PTPRR: variants seen among roughly 807,000 people sequenced by gnomAD.
PTPRR encodes the protein protein tyrosine phosphatase receptor type R, also known as receptor-type tyrosine-protein phosphatase R.
A neutral mutation model predicts 77.2 loss-of-function variants in PTPRR; 38 were observed. That is an observed-to-expected ratio of 0.49 (90% CI 0.38 to 0.65). The LOEUF is 0.65. Ranked by LOEUF, PTPRR falls within the 30% of genes least tolerant of loss-of-function variation. The pLI is 0.00. For missense variants in PTPRR, 744 were observed against 799.2 expected (o/e 0.93, Z 0.83); for synonymous variants, 299 against 283.1 (o/e 1.06, Z -0.57).
In PTPRR at chr12:70,892,956, T is replaced by C; in HGVS notation, c.80A>G (p.Asp27Gly). The change falls in exon 2 of 14, where the codon GAT (aspartate) becomes GGT (glycine). Residue 27 changes from aspartate to glycine, a missense_variant. Around this residue, in one of 3 missense-constraint regions of PTPRR, gnomAD observed 570 missense variants for 573.2 expected, o/e 0.99. Transcript: ENST00000283228. Reference sequence around the variant, plus strand: ...CTTCTGATTAATTGCCAAAAAATGATCATTGTTTCCTGAAAAGCACCCTGA... The same window carrying C: ...CTTCTGATTAATTGCCAAAAAATGACCATTGTTTCCTGAAAAGCACCCTGA... ...HAAGCFSGNN[D>G]HFLAINQKKS... 1.2e-6 allele frequency: 2 copies of C among 1,612,772 alleles called. No homozygotes were observed. Among genetic ancestry groups the C allele is most frequent in the South Asian group, 1.1e-5 (1 of 91,058 alleles).
chr12:70,783,863 C>CGGGGGGGGGGGGG (rs575602200), intron 2 of PTPRR, among the ~76,000 whole-genome samples: 1 of 56,640 alleles, frequency 1.8e-5, no homozygotes, highest in Non-Finnish European at 3.1e-5. Context: ...GTGGGGGGGA[C>CGGGGGGGGGGGGG]GGGGGGGGGG....
chr12:70,776,782 G>A (rs1026565533), intron 2 of PTPRR, among the ~76,000 whole-genome samples: 1 of 152,076 alleles, frequency 6.6e-6, no homozygotes, highest in East Asian at 1.9e-4. Flanking sequence ...CATTCTGCCA[G>A]CCTTCCCTGA....
intron 6 of PTPRR, among the ~76,000 whole-genome samples, chr12:70,719,024 G>A (rs1272837882): frequency 6.6e-6 from 1 of 152,156 alleles, no homozygotes; most frequent in African/African-American, 2.4e-5. Flanking sequence ...CTGTTCAAAC[G>A]GATAGAGTTC....
chr12:70,719,492 A>G (rs1889160152), intron 6 of PTPRR, among the ~76,000 whole-genome samples: 1 of 151,960 alleles, frequency 6.6e-6, no homozygotes, highest in Non-Finnish European at 1.5e-5. Context: ...CATTAGTAAT[A>G]TAGTTCCTAA....
intron 12 of PTPRR, among the ~76,000 whole-genome samples, chr12:70,660,604 C>T (rs983573111): frequency 1.3e-5 from 2 of 152,174 alleles, no homozygotes; most frequent in Non-Finnish European, 2.9e-5. Flanking sequence ...CATCTTTATT[C>T]CTGGTGTGTA....
Position 70,822,073 on chromosome 12 carries a change from G to A in PTPRR, c.358-57295C>T, listed in dbSNP as rs192416591. ...TAGAAAGATCAACCTTAACATTCCAGGAAGTTCTCACCTATTTAATAAGCA... is the reference window on the plus strand; with the variant it reads ...TAGAAAGATCAACCTTAACATTCCAAGAAGTTCTCACCTATTTAATAAGCA... On this transcript the variant is annotated intron_variant, in intron 2 of 13. Transcript: ENST00000283228. Among the ~76,000 whole-genome samples, 404 of 152,300 alleles carry A rather than the reference G, an allele frequency of 2.7e-3. 1 individual carries two copies. The highest frequency in any genetic ancestry group is 5.8e-3 in the Admixed American group (88 of 15,292).
chr12:70,892,994 G>A lies in PTPRR; in HGVS notation c.59-17C>T, dbSNP rs769900942. 1.2e-6 allele frequency: 2 copies of A among 1,609,226 alleles called. No homozygotes were observed. Among genetic ancestry groups the A allele is most frequent in the South Asian group, 2.2e-5 (2 of 90,854 alleles). On this transcript the variant is annotated splice_polypyrimidine_tract_variant and intron_variant, in intron 1 of 13. Coordinates refer to ENST00000283228, the MANE Select transcript of PTPRR (RefSeq NM_002849.4). Reference sequence around the variant, plus strand: ...AAAAGCACCCTGAAAGAGGGAAGAAGCAGAAACAATATCAAAGACCCTATT... The same window carrying A: ...AAAAGCACCCTGAAAGAGGGAAGAAACAGAAACAATATCAAAGACCCTATT...
At chr12:70,727,675 A>G (rs1565668775) in intron 6 of PTPRR, among the ~76,000 whole-genome samples, 1 of 152,174 alleles carries the variant, frequency 6.6e-6, no homozygotes, top group South Asian at 2.1e-4. Flanking sequence ...GTGGCAGAGA[A>G]TACTGCCTAG....
intron 2 of PTPRR, among the ~76,000 whole-genome samples, chr12:70,785,536 TA>T (rs754655964): frequency 1.5e-4 from 23 of 152,168 alleles, no homozygotes; most frequent in Non-Finnish European, 3.1e-4. Context: ...AAGCTGTTTT[TA>T]AAAATTATGA....
At position 70,722,146 on chromosome 12, in the gene PTPRR, C is replaced by A. The variant is rs572421181; in HGVS notation, c.1008-20823G>T. Reference sequence around the variant, plus strand: ...CCACTCCTTTCCTGCTTTCTTACTACCAGAACCCAGGGTCCTTTTAGGTCT... The same window carrying A: ...CCACTCCTTTCCTGCTTTCTTACTAACAGAACCCAGGGTCCTTTTAGGTCT... On this transcript the variant is annotated intron_variant, in intron 6 of 13. Coordinates refer to ENST00000283228, the MANE Select transcript of PTPRR (RefSeq NM_002849.4). 2.4e-3 allele frequency among the ~76,000 whole-genome samples: 373 copies of A among 152,248 alleles called. 1 individual carries two copies. The highest frequency in any genetic ancestry group is 8.6e-3 in the African/African-American group (356 of 41,540).
intron 2 of PTPRR, among the ~76,000 whole-genome samples, chr12:70,772,828 A>C (rs1891008133): frequency 6.6e-6 from 1 of 152,222 alleles, no homozygotes. Context: ...TATATCAAAC[A>C]CAATCAGTAA....
At chr12:70,727,305 A>G (rs1276991830) in intron 6 of PTPRR, among the ~76,000 whole-genome samples, 1 of 152,092 alleles carries the variant, frequency 6.6e-6, no homozygotes, top group Admixed American at 6.6e-5. Flanking sequence ...TTTTTGCTAA[A>G]CAACTATTGC....
intron 2 of PTPRR, among the ~76,000 whole-genome samples, chr12:70,891,716 T>C (rs1425834755): frequency 6.6e-6 from 1 of 152,038 alleles, no homozygotes; most frequent in Non-Finnish European, 1.5e-5. Flanking sequence ...CATTGACGAA[T>C]GGAACTTTGA....
At position 70,920,470 on chromosome 12, in the gene PTPRR, CA is replaced by C; in HGVS notation, c.-81del. 1 of 1,372,242 alleles carries C rather than the reference CA, an allele frequency of 7.3e-7. No individual in the cohort carries two copies. Among genetic ancestry groups the C allele is most frequent in the Non-Finnish European group, 1.0e-6 (1 of 982,876 alleles). The allele number at this position is 1,372,242 out of a possible 1,614,324, so 85.0% of individuals were successfully genotyped here. A position where few individuals can be genotyped will look rare whatever the true frequency, so the allele number is the denominator to read the frequency against. Reference sequence around the variant, plus strand: ...AAGTGCTATTAGAAAGAGCCACCGCCAAGGGTCTTCTAGTCTCCGGGATTCA... The same window carrying C: ...AAGTGCTATTAGAAAGAGCCACCGCCAGGGTCTTCTAGTCTCCGGGATTCA... On this transcript the variant is annotated 5_prime_UTR_variant, in exon 1 of 14. Coordinates refer to ENST00000283228, the MANE Select transcript of PTPRR (RefSeq NM_002849.4).
At chr12:70,745,486 C>T (rs1195021176) in intron 6 of PTPRR, among the ~76,000 whole-genome samples, 1 of 152,174 alleles carries the variant, frequency 6.6e-6, no homozygotes, top group Non-Finnish European at 1.5e-5. Context: ...TTCTACCTAC[C>T]AGAGTTTCAT....
At chr12:70,760,417 G>A (rs1890665958) in intron 4 of PTPRR, among the ~76,000 whole-genome samples, 1 of 152,122 alleles carries the variant, frequency 6.6e-6, no homozygotes, top group Non-Finnish European at 1.5e-5. Flanking sequence ...CCCACCCAGA[G>A]CTTTTTATAC....
Position 70,662,597 on chromosome 12 carries a change from C to G in PTPRR, c.1506G>C (p.Val502=). 2 of 1,599,546 alleles carry G rather than the reference C, an allele frequency of 1.3e-6. 1 individual carries two copies. Among genetic ancestry groups the G allele is most frequent in the Non-Finnish European group, 1.7e-6 (2 of 1,168,676 alleles). The change falls in exon 11 of 14, where the codon GTG becomes GTC. Residue 502 remains valine (V), a synonymous_variant. Coordinates refer to ENST00000283228, the MANE Select transcript of PTPRR (RefSeq NM_002849.4). ...TCCCTCTCTTTTCCGGCCAGTATAG[C>G]ACACATTTCTGGAGGAAGGGAAAGA... ...TKLKEKNEKC[V]LYWPEKRGIY...
chr12:70,918,821 C>T (rs1420489741), intron 1 of PTPRR, among the ~76,000 whole-genome samples: 2 of 152,140 alleles, frequency 1.3e-5, no homozygotes, highest in Non-Finnish European at 2.9e-5. Context: ...TTAAGCAATA[C>T]TATAAATAAA....
chr12:70,769,127 C>A (rs1483330839), intron 2 of PTPRR, among the ~76,000 whole-genome samples: 1 of 138,900 alleles, frequency 7.2e-6, no homozygotes, highest in African/African-American at 3.0e-5. Context: ...TCTCACCACT[C>A]CTATTCAACA....
Sources: gnomAD v4.1 joint callset for allele counts (sites outside exome capture counted in the v4.1 genomes callset) on GRCh38, gnomAD v4.1.1 for gene constraint, gnomAD v4.1.1 regional missense constraint, MANE v1.5 for transcripts, NCBI Gene and HGNC (gene_info 2026-07-23, HGNC 2026-07-21) for gene names.